Variants in PTK6 observed in about 807,000 individuals in gnomAD.
PTK6 encodes the protein protein-tyrosine kinase 6.
PTK6 carries 47 observed loss-of-function variants against 47.5 expected under a neutral mutation model. The observed-to-expected ratio is 0.99, with a 90% confidence interval of 0.78 to 1.26. The LOEUF (loss-of-function observed/expected upper bound fraction) is 1.26, where lower values mean the gene tolerates loss of function less well. PTK6 is among the 50% of genes most tolerant of loss of function. PTK6 has a pLI of 0.00. For synonymous variants in PTK6, 287 were observed against 276.5 expected (o/e 1.04, Z -0.38); for missense variants, 618 against 625.3 (o/e 0.99, Z 0.12).
In PTK6 at chr20:63,529,749, C is replaced by T; in HGVS notation, c.1169-26G>A. The T allele has an allele frequency of 6.6e-7, 1 of 1,520,314 alleles. No homozygotes were observed. The highest frequency in any genetic ancestry group is 8.8e-7 in the Non-Finnish European group (1 of 1,135,276). 94.2% of individuals were successfully genotyped at this position (1,520,314 alleles called of 1,614,324 possible). A position where few individuals can be genotyped will look rare whatever the true frequency, so the allele number is the denominator to read the frequency against. On this transcript the variant is annotated intron_variant, in intron 7 of 7. Coordinates refer to ENST00000542869, the MANE Select transcript of PTK6 (RefSeq NM_005975.4). The surrounding 1 kb of genome is among the most constrained non-coding windows in gnomAD (Gnocchi z 5.6). Reference sequence around the variant, plus strand: ...CTGCGGCCGACAGGGATGAGAAGAGCTGGGGCCCACCTGCCTACCCTCCCC... The same window carrying T: ...CTGCGGCCGACAGGGATGAGAAGAGTTGGGGCCCACCTGCCTACCCTCCCC...
chr20:63,537,123 G>T lies in PTK6; in HGVS notation c.192C>A (p.His64Gln), dbSNP rs912565634. 1.1e-5 allele frequency: 17 copies of T among 1,611,116 alleles called. No individual in the cohort carries two copies. Among genetic ancestry groups the T allele is most frequent in the Non-Finnish European group, 1.4e-5 (17 of 1,179,328 alleles). ...CCGTCTCCCTCTCGGCCAGGTAGTT[G>T]TGGGGCACATAGCCCTGGGCCACGG... is the stretch of plus-strand genomic sequence containing the variant. ...GGAVAQGYVP[H>Q]NYLAERETVE... The change falls in exon 1 of 8, where the codon CAC (histidine) becomes CAA (glutamine). Residue 64 changes from histidine to glutamine, a missense_variant. His to Gln is a conservative substitution (Grantham distance 24, BLOSUM62 0). Coordinates refer to ENST00000542869, the MANE Select transcript of PTK6 (RefSeq NM_005975.4).
At position 63,530,740 on chromosome 20, in the gene PTK6, C is replaced by T. The variant is rs778669739; in HGVS notation, c.1014+6G>A. On this transcript the variant is annotated splice_donor_region_variant and intron_variant, in intron 6 of 7. Coordinates refer to ENST00000542869, the MANE Select transcript of PTK6 (RefSeq NM_005975.4). The surrounding 1 kb of genome is among the most constrained non-coding windows in gnomAD (Gnocchi z 4.1). ...CGACCCCAGCCACGCCCTCTGAGGG[C>T]CCTACCTTGATAAGCCTGGCTAACC... 6.2e-7 allele frequency: 1 copy of T among 1,613,596 alleles called. No individual in the cohort carries two copies. The highest frequency in any genetic ancestry group is 1.1e-5 in the South Asian group (1 of 91,036).
rs760010724 is a variant in PTK6, at chr20:63,534,141, G to A, written c.516+11C>T. The A allele has an allele frequency of 1.5e-5, 23 of 1,542,278 alleles. No individual in the cohort carries two copies. The highest frequency in any genetic ancestry group is 1.2e-4 in the Admixed American group (6 of 50,672). On this transcript the variant is annotated intron_variant, in intron 3 of 7. Transcript: ENST00000542869. ...TGACCCCGCGTGACCAAGTCAGGGC[G>A]GAGCGGCTACCTTCCGGCAGGGCGC... is the stretch of plus-strand genomic sequence containing the variant.
rs371843910 is a variant in PTK6 at position 63,532,692 on chromosome 20, G to A, written c.671-5C>T. 4.7e-5 allele frequency: 76 copies of A among 1,612,884 alleles called. No individual in the cohort carries two copies. Among genetic ancestry groups the A allele is most frequent in the African/African-American group, 6.7e-5 (5 of 75,056 alleles). On this transcript the variant is annotated splice_polypyrimidine_tract_variant and splice_region_variant and intron_variant, in intron 4 of 7. Coordinates refer to ENST00000542869, the MANE Select transcript of PTK6 (RefSeq NM_005975.4). ...TCTGCTGGTGCAGGAGGTTGTCTGC[G>A]GGGACGGGTGGCCTCGGTGGATGCA...
Position 63,533,465 on chromosome 20 carries a change from G to A in PTK6, c.670+86C>T, listed in dbSNP as rs989736513. On this transcript the variant is annotated intron_variant, in intron 4 of 7. Transcript: ENST00000542869. This position sits in a 1 kb window ranked among gnomAD's most constrained non-coding sequence, Gnocchi z 4.0. ...ACGCTGTGGGTGCTGCTTGGGGCTC[G>A]AGGCCAGAGGTCCCTGTTGGCGGGG... 1.0e-5 allele frequency: 15 copies of A among 1,450,814 alleles called. No homozygotes were observed. The highest frequency in any genetic ancestry group is 4.9e-5 in the East Asian group (2 of 40,994). 89.9% of individuals were successfully genotyped at this position (1,450,814 alleles called of 1,614,324 possible).
chr20:63,534,152 C>T lies in PTK6; in HGVS notation c.516G>A (p.Lys172=). 1 of 1,548,364 alleles carries T rather than the reference C, an allele frequency of 6.5e-7. No individual in the cohort carries two copies. Among genetic ancestry groups the T allele is most frequent in the Non-Finnish European group, 8.7e-7 (1 of 1,147,412 alleles). ...GACCAAGTCAGGGCGGAGCGGCTAC[C>T]TTCCGGCAGGGCGCGGCCAGCCGCA... The part of the protein sequence containing the change: ...HGLRLAAPCR[K]HEPEPLPHWD... Residue 172 remains lysine (K), a splice_region_variant and synonymous_variant, in exon 3 of 8, where the codon AAG becomes AAA. Coordinates refer to ENST00000542869, the MANE Select transcript of PTK6 (RefSeq NM_005975.4).
chr20:63,532,448 CGTG>C (rs2082632309), intron 5 of PTK6, 75 bp downstream of exon 5: 7 of 1,418,280 alleles, frequency 4.9e-6, no homozygotes, highest in Admixed American at 3.8e-5. Flanking sequence ...TGTGTGTAGA[CGTG>C]GGGGGGGGGT....
chr20:63,537,100 GTCT>G lies in PTK6; in HGVS notation c.212_214del (p.Glu71_Thr72delinsAla). On this transcript the variant is annotated inframe_deletion, in exon 1 of 8. Coordinates refer to ENST00000542869, the MANE Select transcript of PTK6 (RefSeq NM_005975.4). ...GGACACGCACGGTTCCGACTCCACC[GTCT>G]CCCTCTCGGCCAGGTAGTTGTGGGG... is the stretch of plus-strand genomic sequence containing the variant. 1 of 1,609,710 alleles carries G rather than the reference GTCT, an allele frequency of 6.2e-7. No homozygotes were observed. The highest frequency in any genetic ancestry group is 8.5e-7 in the Non-Finnish European group (1 of 1,178,706).
At chr20:63,532,783 AC>A in intron 4 of PTK6, 96 bp from the exon 5 acceptor site, 1 of 1,470,090 alleles carries the variant, frequency 6.8e-7, no homozygotes. Context: ...CAGCCATCAC[AC>A]CCAGCAGCTG....
At chr20:63,536,428 C>G (rs1239872265) in intron 1 of PTK6, among the ~76,000 whole-genome samples, 1 of 149,982 alleles carries the variant, frequency 6.7e-6, no homozygotes, top group South Asian at 2.1e-4. Flanking sequence ...TTGGGTCCCC[C>G]GGGAGCTAAC....
chr20:63,531,127 G>A (rs1279398035), intron 5 of PTK6, among the ~76,000 whole-genome samples, 200 bp from the exon 6 acceptor site: 2 of 152,098 alleles, frequency 1.3e-5, no homozygotes, highest in East Asian at 1.9e-4. Flanking sequence ...TGTTTATCAC[G>A]AACCAAGGAG....
At chr20:63,531,922 G>A (rs973346537) in intron 5 of PTK6, among the ~76,000 whole-genome samples, 10 of 152,232 alleles carry the variant, frequency 6.6e-5, no homozygotes, top group Non-Finnish European at 1.2e-4. Context: ...GCGCAAACGT[G>A]CGTGGTGCCT....
In PTK6 at chr20:63,533,039, G is replaced by A. The variant is rs139545194; in HGVS notation, c.671-352C>T. On this transcript the variant is annotated intron_variant, in intron 4 of 7. Transcript: ENST00000542869. This position sits in a 1 kb window ranked among gnomAD's most constrained non-coding sequence, Gnocchi z 4.0. ...ATCTATTTTAATGGCTTTCCATTAC[G>A]TCAAGGATTTTAAATTTTCTTTCTT... Among the ~76,000 whole-genome samples the A allele has an allele frequency of 7.2e-5, 11 of 152,060 alleles. No individual in the cohort carries two copies. The highest frequency in any genetic ancestry group is 3.4e-3 in the Middle Eastern group (1 of 294).
At position 63,529,889 on chromosome 20, in the gene PTK6, A is replaced by G. The variant is rs543219604; in HGVS notation, c.1169-166T>C. Reference sequence around the variant, plus strand: ...CCACTGCTAACACCTCCCTCTGGACAGGGCTCCAACAGGCAGCTCCAGGCA... The same window carrying G: ...CCACTGCTAACACCTCCCTCTGGACGGGGCTCCAACAGGCAGCTCCAGGCA... On this transcript the variant is annotated intron_variant, in intron 7 of 7. Transcript: ENST00000542869. The surrounding 1 kb of genome is among the most constrained non-coding windows in gnomAD (Gnocchi z 5.6). Among the ~76,000 whole-genome samples, 1 of 152,296 alleles carries G rather than the reference A, an allele frequency of 6.6e-6. No homozygotes were observed. The highest frequency in any genetic ancestry group is 6.5e-5 in the Admixed American group (1 of 15,298).
rs200922148 is a variant in PTK6 at position 63,537,084 on chromosome 20, C to T, written c.230+1G>A. On this transcript the variant is annotated splice_donor_variant, in intron 1 of 7. Coordinates refer to ENST00000542869, the MANE Select transcript of PTK6 (RefSeq NM_005975.4). LOFTEE classifies it high-confidence loss of function. ...AGCTCCCAGCAGCCTAGGACACGCA[C>T]GGTTCCGACTCCACCGTCTCCCTCT... 2.0e-5 allele frequency: 32 copies of T among 1,606,604 alleles called. No homozygotes were observed. Among genetic ancestry groups the T allele is most frequent in the Admixed American group, 8.4e-5 (5 of 59,672 alleles).
rs752320115 is a variant in PTK6 at position 63,530,684 on chromosome 20, A to G, written c.1014+62T>C. On this transcript the variant is annotated intron_variant, in intron 6 of 7. Coordinates refer to ENST00000542869, the MANE Select transcript of PTK6 (RefSeq NM_005975.4). The surrounding 1 kb of genome is among the most constrained non-coding windows in gnomAD (Gnocchi z 4.1). ...CGAGTCCCCAGCTCCACACACAGGA[A>G]GCCCCCAGCCCTCCGGCCACGCCCC... 1.3e-4 allele frequency: 198 copies of G among 1,557,372 alleles called. No homozygotes were observed. Among genetic ancestry groups the G allele is most frequent in the Non-Finnish European group, 1.1e-4 (121 of 1,142,956 alleles).
intron 5 of PTK6, among the ~76,000 whole-genome samples, chr20:63,532,200 G>T (rs2082627360): frequency 6.7e-6 from 1 of 148,782 alleles, no homozygotes; most frequent in African/African-American, 2.5e-5. Context: ...TGTGATCTGT[G>T]TGTGTGTCTG....
At chr20:63,532,846 C>T (rs2082635948) in intron 4 of PTK6, among the ~76,000 whole-genome samples, 159 bp from the exon 5 acceptor site, 1 of 152,220 alleles carries the variant, frequency 6.6e-6, no homozygotes, top group African/African-American at 2.4e-5. Context: ...CTCCCGAGGC[C>T]ACGAAATGGC....
rs948887300 is a variant in PTK6 at position 63,530,678 on chromosome 20, A to T, written c.1014+68T>A. The T allele has an allele frequency of 2.6e-6, 4 of 1,547,380 alleles. No homozygotes were observed. The Admixed American group carries it at 5.9e-5, about 23-fold the overall frequency. On this transcript the variant is annotated intron_variant, in intron 6 of 7. Coordinates refer to ENST00000542869, the MANE Select transcript of PTK6 (RefSeq NM_005975.4). This position sits in a 1 kb window ranked among gnomAD's most constrained non-coding sequence, Gnocchi z 4.1. ...CCCAGCCGAGTCCCCAGCTCCACAC[A>T]CAGGAAGCCCCCAGCCCTCCGGCCA...
Sources: allele counts gnomAD v4.1 joint callset (sites outside exome capture counted in the v4.1 genomes callset), GRCh38; gene constraint gnomAD v4.1.1; non-coding constraint Gnocchi (gnomAD v3.1); transcripts MANE v1.5; gene names NCBI Gene and HGNC (gene_info 2026-07-23, HGNC 2026-07-21).